The following ZFPM2 variants were observed in gnomAD, a reference collection of about 807,000 sequenced individuals.
ZFPM2 encodes the protein zinc finger protein, FOG family member 2.
A neutral mutation model predicts 98.6 loss-of-function variants in ZFPM2; 20 were observed. That is an observed-to-expected ratio of 0.20 (90% CI 0.14 to 0.29). ZFPM2 has a LOEUF of 0.29. ZFPM2 is among the 10% of genes least tolerant of loss of function. The pLI is 1.00. For missense variants in ZFPM2, 1,310 were observed against 1,388.6 expected, an observed-to-expected ratio of 0.94 and a Z score of 0.90; for synonymous variants, 518 against 502.7, an observed-to-expected ratio of 1.03 and a Z score of -0.41.
intron 1 of ZFPM2, among the ~76,000 whole-genome samples, chr8:105,370,689 T>C (rs991629999): frequency 5.9e-5 from 9 of 152,354 alleles, no homozygotes; most frequent in African/African-American, 2.2e-4. Context: ...ATAAAGACAC[T>C]TATTGAAGAC....
intron 3 of ZFPM2, among the ~76,000 whole-genome samples, chr8:105,504,679 G>T (rs1042764312): frequency 2.0e-5 from 3 of 152,164 alleles, no homozygotes; most frequent in African/African-American, 7.2e-5. Context: ...GGATCAATGT[G>T]TAGATTTAGC....
intron 3 of ZFPM2, among the ~76,000 whole-genome samples, chr8:105,445,211 G>A (rs1812341798): frequency 6.6e-6 from 1 of 152,122 alleles, no homozygotes; most frequent in Admixed American, 6.5e-5. Flanking sequence ...GTGAAGAAGA[G>A]AGGAACTCCA....
At chr8:105,463,383 T>C (rs1812738743) in intron 3 of ZFPM2, among the ~76,000 whole-genome samples, 1 of 151,812 alleles carries the variant, frequency 6.6e-6, no homozygotes. Flanking sequence ...CATTATATAG[T>C]TTTCTATAGT....
At chr8:105,485,006 T>G (rs1813201317) in intron 3 of ZFPM2, among the ~76,000 whole-genome samples, 1 of 152,198 alleles carries the variant, frequency 6.6e-6, no homozygotes, top group African/African-American at 2.4e-5. Flanking sequence ...ATGCTGACAT[T>G]CTTTCAGGAA....
chr8:105,621,861 T>A (rs544698715), intron 4 of ZFPM2, among the ~76,000 whole-genome samples: 47 of 152,238 alleles, frequency 3.1e-4, no homozygotes, highest in African/African-American at 1.1e-3. Flanking sequence ...TAGTTTTTAT[T>A]ATTATACTTT....
At chr8:105,765,381 C>T (rs1291415462) in intron 5 of ZFPM2, among the ~76,000 whole-genome samples, 2 of 151,812 alleles carry the variant, frequency 1.3e-5, no homozygotes, top group African/African-American at 4.8e-5. Context: ...ATCTTCAGTT[C>T]TGCATTTAGC....
intron 3 of ZFPM2, among the ~76,000 whole-genome samples, chr8:105,457,424 G>A (rs1348497660): frequency 6.6e-6 from 1 of 152,178 alleles, no homozygotes; most frequent in Non-Finnish European, 1.5e-5. Flanking sequence ...GAACTATGCA[G>A]TAGGCTCCCA....
At chr8:105,323,637 G>T (rs747595092) in intron 1 of ZFPM2, among the ~76,000 whole-genome samples, 1 of 151,744 alleles carries the variant, frequency 6.6e-6, no homozygotes, top group African/African-American at 2.4e-5. Context: ...AAAAATCTAG[G>T]AATAATTATT....
intron 2 of ZFPM2, among the ~76,000 whole-genome samples, chr8:105,442,194 AT>A (rs766974318): frequency 2.1e-5 from 3 of 146,270 alleles, no homozygotes; most frequent in Non-Finnish European, 4.5e-5. Context: ...AAAAAAAAAA[AT>A]TAGCTGGGTG....
intron 1 of ZFPM2, among the ~76,000 whole-genome samples, chr8:105,396,370 T>C (rs1811218662): frequency 6.6e-6 from 1 of 152,190 alleles, no homozygotes; most frequent in Admixed American, 6.5e-5. Context: ...GTACCTGCCT[T>C]TCTCTGGCCT....
At chr8:105,322,613 G>C (rs1812048752) in intron 1 of ZFPM2, among the ~76,000 whole-genome samples, 2 of 152,042 alleles carry the variant, frequency 1.3e-5, no homozygotes, top group Admixed American at 1.3e-4. Context: ...CTTTTAGATT[G>C]CTTGATCTTT....
intron 4 of ZFPM2, among the ~76,000 whole-genome samples, chr8:105,621,417 A>G (rs34465933): frequency 0.019 from 2,864 of 152,246 alleles, 31 homozygotes; most frequent in Non-Finnish European, 0.03. Context: ...CAGCTTAAGG[A>G]GGTTTGGGGC....
chr8:105,558,685 G>A (rs58224784), intron 3 of ZFPM2, among the ~76,000 whole-genome samples: 46 of 152,200 alleles, frequency 3.0e-4, no homozygotes, highest in African/African-American at 1.1e-3. Context: ...TATGTCAGTG[G>A]CAGAAAGAGA....
At chr8:105,784,458 G>A (rs1186668258) in intron 5 of ZFPM2, among the ~76,000 whole-genome samples, 1 of 145,898 alleles carries the variant, frequency 6.9e-6, no homozygotes, top group Non-Finnish European at 1.5e-5. Context: ...TTTCTGGTGA[G>A]ATTTCTTTCC....
In ZFPM2 at chr8:105,330,611, CACATAT is replaced by C. The variant is rs1269403890; in HGVS notation, c.40+11632_40+11637del. On this transcript the variant is annotated intron_variant, in intron 1 of 7. Coordinates refer to ENST00000407775, the MANE Select transcript of ZFPM2 (RefSeq NM_012082.4). Reference sequence around the variant, plus strand: ...ATATATATACATATATATATATATACACATATATATATATATATATACATATATATA... The same window carrying C: ...ATATATATACATATATATATATATACATATATATATATATACATATATATA... Among the ~76,000 whole-genome samples the C allele has an allele frequency of 4.7e-3, 356 of 76,138 alleles. 5 individuals carry two copies. The highest frequency in any genetic ancestry group is 0.023 in the African/African-American group (318 of 14,070). The allele number at this position is 76,138 out of a possible 152,430, so 49.9% of individuals were successfully genotyped here.
intron 5 of ZFPM2, among the ~76,000 whole-genome samples, chr8:105,718,057 T>C (rs887024363): frequency 6.6e-6 from 1 of 151,888 alleles, no homozygotes; most frequent in Non-Finnish European, 1.5e-5. Context: ...GCTTTCACAT[T>C]ATTTATAAAA....
At chr8:105,538,334 C>G (rs150535960) in intron 3 of ZFPM2, among the ~76,000 whole-genome samples, 1,686 of 152,220 alleles carry the variant, frequency 0.011, 30 homozygotes, top group African/African-American at 0.038. Context: ...AAATCATACC[C>G]AGGCTTTACT....
At chr8:105,514,003 CT>C (rs111594419) in intron 3 of ZFPM2, among the ~76,000 whole-genome samples, 256 of 140,684 alleles carry the variant, frequency 1.8e-3, no homozygotes, top group Middle Eastern at 3.8e-3. Context: ...TCCGGAGTGT[CT>C]TTTTTTTTTT....
chr8:105,592,699 C>T (rs1815877322), intron 4 of ZFPM2, among the ~76,000 whole-genome samples: 1 of 152,062 alleles, frequency 6.6e-6, no homozygotes. Flanking sequence ...CCATATCTCT[C>T]CCACCAGATT....
Sources: allele counts gnomAD v4.1 joint callset (sites outside exome capture counted in the v4.1 genomes callset), GRCh38; gene constraint gnomAD v4.1.1; transcripts MANE v1.5; gene names NCBI Gene and HGNC (gene_info 2026-07-23, HGNC 2026-07-21).